Variants in RNF152 observed in about 807,000 individuals in gnomAD.
RNF152 encodes the protein ring finger protein 152.
RNF152 carries 11 observed loss-of-function variants against 12.7 expected under a neutral mutation model. The ratio of observed to expected loss-of-function variants is 0.86; its 90% confidence interval spans 0.54 to 1.43. The LOEUF is 1.43. RNF152 is among the 40% of genes most tolerant of loss of function. RNF152 has a pLI of 0.00. For missense variants in RNF152, 255 were observed against 274.8 expected (o/e 0.93, Z 0.51); for synonymous variants, 113 against 120.3 (o/e 0.94, Z 0.40).
intron 1 of RNF152, among the ~76,000 whole-genome samples, chr18:61,863,559 A>G (rs541092334): frequency 6.6e-6 from 1 of 152,200 alleles, no homozygotes; most frequent in Admixed American, 6.5e-5. Flanking sequence ...ATCTTTGGGG[A>G]AAAAACTAAG....
chr18:61,816,714 A>T (rs1909114080), intron 1 of RNF152, 116 bp from the exon 2 acceptor site: 1 of 414,380 alleles, frequency 2.4e-6, no homozygotes, highest in South Asian at 5.5e-5. Flanking sequence ...CAAAAGCCTA[A>T]AAATTTACCA....
intron 1 of RNF152, among the ~76,000 whole-genome samples, chr18:61,844,085 A>AGAAC (rs1308781723): frequency 7.2e-5 from 5 of 69,582 alleles, no homozygotes; most frequent in African/African-American, 1.9e-4. Flanking sequence ...AAGGAAAGAA[A>AGAAC]GAAAGAAAGA....
chr18:61,844,077 G>GGAAAGAAAGAAC (rs1555702294), intron 1 of RNF152, among the ~76,000 whole-genome samples: 12 of 68,500 alleles, frequency 1.8e-4, no homozygotes, highest in African/African-American at 5.5e-4. Context: ...CAGAAAGAAA[G>GGAAAGAAAGAAC]GAAAGAAAGA....
At chr18:61,874,243 C>G (rs1456939820) in intron 1 of RNF152, among the ~76,000 whole-genome samples, 1 of 152,196 alleles carries the variant, frequency 6.6e-6, no homozygotes, top group Non-Finnish European at 1.5e-5. Flanking sequence ...TTTAACAGCG[C>G]ATGAACTGAC....
chr18:61,834,266 C>T (rs78530084), intron 1 of RNF152, among the ~76,000 whole-genome samples: 5,054 of 152,306 alleles, frequency 0.033, 274 homozygotes, highest in African/African-American at 0.11. Flanking sequence ...AGAAGGACAG[C>T]ATCCCAAGCT....
At chr18:61,857,575 CT>C (rs1225667391) in intron 1 of RNF152, among the ~76,000 whole-genome samples, 1 of 152,100 alleles carries the variant, frequency 6.6e-6, no homozygotes, top group African/African-American at 2.4e-5. Context: ...TTCTTCAAAC[CT>C]ACTGTTACTT....
At position 61,814,968 on chromosome 18, in the gene RNF152, T is replaced by G. The variant is rs1483995491; in HGVS notation, c.*884A>C. 1 of 152,534 alleles carries G rather than the reference T, an allele frequency of 6.6e-6. No homozygotes were observed. 9.4% of individuals were successfully genotyped at this position (152,534 alleles called of 1,614,324 possible). On this transcript the variant is annotated 3_prime_UTR_variant, in exon 2 of 2. Coordinates refer to ENST00000312828, the MANE Select transcript of RNF152 (RefSeq NM_173557.3). ...CCGCTTCAGAGACTTGACTCATTCA[T>G]GCCCAATGAAGTCTTCATCCCAGGA...
chr18:61,834,673 T>C (rs1910099284), intron 1 of RNF152, among the ~76,000 whole-genome samples: 1 of 120,956 alleles, frequency 8.3e-6, no homozygotes, highest in African/African-American at 2.8e-5. Context: ...TAACTGAAAT[T>C]AGGCCATTTT....
intron 1 of RNF152, among the ~76,000 whole-genome samples, chr18:61,889,287 A>C (rs1297101948): frequency 6.6e-6 from 1 of 152,222 alleles, no homozygotes; most frequent in Non-Finnish European, 1.5e-5. Context: ...ATCTTTATAA[A>C]AATGACTTTG....
rs34966668 is a variant in RNF152 at position 61,808,387 on chromosome 18, T to TAAAAAAAAAAAAAAAAAAAAAA, written c.*7443_*7464dup. On this transcript the variant is annotated 3_prime_UTR_variant, in exon 2 of 2. Transcript: ENST00000312828. ...TTTATCTGTAGGGCTATTTGGCCCT[T>TAAAAAAAAAAAAAAAAAAAAAA]AAAAAAAAAAAAAAAAAAAAAAAAA... The TAAAAAAAAAAAAAAAAAAAAAA allele has an allele frequency of 5.9e-5, 3 of 50,794 alleles. No individual in the cohort carries two copies. Among genetic ancestry groups the TAAAAAAAAAAAAAAAAAAAAAA allele is most frequent in the Admixed American group, 2.5e-4 (1 of 3,994 alleles). The allele number at this position is 50,794 out of a possible 1,614,324, so 3.1% of individuals were successfully genotyped here. A position where few individuals can be genotyped will look rare whatever the true frequency, so the allele number is the denominator to read the frequency against.
chr18:61,884,818 C>G (rs552682690), intron 1 of RNF152, among the ~76,000 whole-genome samples: 20 of 152,296 alleles, frequency 1.3e-4, no homozygotes, highest in African/African-American at 4.6e-4. Flanking sequence ...CTCAGCCTCC[C>G]AAAGTGCTGG....
intron 1 of RNF152, among the ~76,000 whole-genome samples, chr18:61,833,566 A>G (rs76405629): frequency 0.048 from 7,354 of 152,236 alleles, 237 homozygotes; most frequent in Non-Finnish European, 0.068. Flanking sequence ...ACACACACAA[A>G]CATGATTTCC....
chr18:61,823,106 C>T (rs1163495040), intron 1 of RNF152, among the ~76,000 whole-genome samples: 2 of 152,208 alleles, frequency 1.3e-5, no homozygotes, highest in African/African-American at 4.8e-5. Flanking sequence ...TTCCAGGACA[C>T]AACTGCTGCA....
intron 1 of RNF152, among the ~76,000 whole-genome samples, chr18:61,847,040 T>C (rs1910770410): frequency 6.6e-6 from 1 of 151,940 alleles, no homozygotes; most frequent in South Asian, 2.1e-4. Flanking sequence ...AGTAGCAAGG[T>C]ATCCAGCCCA....
chr18:61,866,525 C>T (rs1410534154), intron 1 of RNF152, among the ~76,000 whole-genome samples: 1 of 152,188 alleles, frequency 6.6e-6, no homozygotes, highest in East Asian at 1.9e-4. Flanking sequence ...AGAGTGAGGC[C>T]ACACACCCCA....
At chr18:61,884,513 G>A (rs1023807018) in intron 1 of RNF152, among the ~76,000 whole-genome samples, 2 of 151,920 alleles carry the variant, frequency 1.3e-5, no homozygotes, top group Admixed American at 1.3e-4. Context: ...AGAAGGCAGG[G>A]ATTTTTTTAG....
chr18:61,859,082 A>T (rs1911349785), intron 1 of RNF152, among the ~76,000 whole-genome samples: 1 of 152,156 alleles, frequency 6.6e-6, no homozygotes, highest in African/African-American at 2.4e-5. Context: ...TGTATTATAG[A>T]CGAGGGCTGG....
chr18:61,830,074 T>C (rs1474563046), intron 1 of RNF152, among the ~76,000 whole-genome samples: 1 of 149,554 alleles, frequency 6.7e-6, no homozygotes, highest in Non-Finnish European at 1.5e-5. Flanking sequence ...CAGGCTGGAG[T>C]GCAGTGGTGC....
In RNF152 at chr18:61,810,293, G is replaced by GTA. The variant is rs1307213476; in HGVS notation, c.*5557_*5558dup. The GTA allele has an allele frequency of 2.5e-4, 38 of 152,146 alleles. No individual in the cohort carries two copies. Among genetic ancestry groups the GTA allele is most frequent in the African/African-American group, 8.9e-4 (37 of 41,458 alleles). The allele number at this position is 152,146 out of a possible 1,614,324, so 9.4% of individuals were successfully genotyped here. On this transcript the variant is annotated 3_prime_UTR_variant, in exon 2 of 2. Coordinates refer to ENST00000312828, the MANE Select transcript of RNF152 (RefSeq NM_173557.3). ...TCGTGGTGTGTGTGTGTGTGTGTGT[G>GTA]TAGTAAGTCAGTTGTGTCAGAAAAA...
Sources: allele counts gnomAD v4.1 joint callset (sites outside exome capture counted in the v4.1 genomes callset), GRCh38; gene constraint gnomAD v4.1.1; transcripts MANE v1.5; gene names NCBI Gene and HGNC (gene_info 2026-07-23, HGNC 2026-07-21).